The following PCDH9 variants were observed in gnomAD, a reference collection of about 807,000 sequenced individuals.
The protein encoded by PCDH9 is protocadherin 9, also known as protocadherin-9.
In PCDH9, 24 loss-of-function variants were observed where a neutral mutation model predicts 70.6. The ratio of observed to expected loss-of-function variants is 0.34; its 90% CI spans 0.25 to 0.48. PCDH9 has a LOEUF of 0.48. Ranked by LOEUF, PCDH9 falls within the 20% of genes least tolerant of loss-of-function variation. The pLI is 0.99. For synonymous variants in PCDH9, 562 were observed against 558.5 expected (o/e 1.01, Z -0.09); for missense variants, 1,281 against 1,503.6 (o/e 0.85, Z 2.45).
At chr13:66,701,267 GTA>G (rs111432563) in intron 3 of PCDH9, among the ~76,000 whole-genome samples, 2 of 150,018 alleles carry the variant, frequency 1.3e-5, no homozygotes, top group African/African-American at 2.4e-5. Context: ...CCGTTTTTGT[GTA>G]TATATATATA....
chr13:66,562,001 G>A (rs2138710490), intron 4 of PCDH9, among the ~76,000 whole-genome samples: 1 of 152,104 alleles, frequency 6.6e-6, no homozygotes, highest in African/African-American at 2.4e-5. Flanking sequence ...CCACTCCTGA[G>A]CCAGCGAGAC....
chr13:66,442,908 T>C (rs1186218991), intron 4 of PCDH9, among the ~76,000 whole-genome samples: 2 of 152,212 alleles, frequency 1.3e-5, no homozygotes, highest in African/African-American at 4.8e-5. Flanking sequence ...AAGTTAGCAA[T>C]ATGTGTAAAT....
intron 4 of PCDH9, among the ~76,000 whole-genome samples, chr13:66,589,524 G>A (rs547057319): frequency 6.1e-4 from 93 of 152,056 alleles, no homozygotes; most frequent in African/African-American, 2.1e-3. Flanking sequence ...AGTATAGAGC[G>A]GAATCTCATG....
At chr13:66,801,162 C>T (rs555679352) in intron 3 of PCDH9, among the ~76,000 whole-genome samples, 17 of 151,826 alleles carry the variant, frequency 1.1e-4, no homozygotes, top group Non-Finnish European at 1.5e-4. Context: ...AAATGCTAGT[C>T]AACTAAATTA....
At chr13:67,091,926 T>A (rs982639911) in intron 2 of PCDH9, among the ~76,000 whole-genome samples, 1 of 152,150 alleles carries the variant, frequency 6.6e-6, no homozygotes, top group African/African-American at 2.4e-5. Flanking sequence ...TTTACTAAGG[T>A]TCATGCTTTT....
intron 3 of PCDH9, among the ~76,000 whole-genome samples, chr13:66,895,951 T>A (rs1017148491): frequency 6.6e-6 from 1 of 152,210 alleles, no homozygotes; most frequent in Non-Finnish European, 1.5e-5. Flanking sequence ...CTTTGGCCGA[T>A]AAGCCTATGC....
chr13:66,782,419 G>A (rs915115417), intron 3 of PCDH9, among the ~76,000 whole-genome samples: 3 of 151,992 alleles, frequency 2.0e-5, no homozygotes, highest in Non-Finnish European at 2.9e-5. Context: ...GTAATCTCTA[G>A]AACTAGGCGG....
intron 3 of PCDH9, among the ~76,000 whole-genome samples, chr13:66,813,865 G>A (rs1031442715): frequency 6.6e-6 from 1 of 151,694 alleles, no homozygotes; most frequent in Admixed American, 6.6e-5. Flanking sequence ...TTAGATAATT[G>A]GTCTAAATAA....
At chr13:66,874,573 C>T (rs1465626565) in intron 3 of PCDH9, among the ~76,000 whole-genome samples, 1 of 152,076 alleles carries the variant, frequency 6.6e-6, no homozygotes, top group Non-Finnish European at 1.5e-5. Context: ...ATTTAGAACT[C>T]CTTTCTCTTG....
At chr13:66,677,869 C>T (rs953534788) in intron 3 of PCDH9, among the ~76,000 whole-genome samples, 2 of 152,114 alleles carry the variant, frequency 1.3e-5, no homozygotes, top group South Asian at 2.1e-4. Context: ...TACAGAAGCA[C>T]ATATAATATT....
chr13:66,326,802 C>T (rs994672473), intron 4 of PCDH9, among the ~76,000 whole-genome samples: 1 of 152,084 alleles, frequency 6.6e-6, no homozygotes, highest in African/African-American at 2.4e-5. Flanking sequence ...AATTTTTAAG[C>T]TTTTTACATA....
intron 2 of PCDH9, among the ~76,000 whole-genome samples, chr13:67,190,766 A>T (rs1244327714): frequency 2.0e-5 from 3 of 152,070 alleles, no homozygotes; most frequent in African/African-American, 7.2e-5. Flanking sequence ...ATATATTTTT[A>T]AAACATAGCA....
intron 2 of PCDH9, among the ~76,000 whole-genome samples, chr13:66,942,548 C>A (rs1360086166): frequency 6.6e-6 from 1 of 151,904 alleles, no homozygotes; most frequent in Non-Finnish European, 1.5e-5. Flanking sequence ...AATTAAGGCT[C>A]AAAAATTCAA....
chr13:66,726,683 C>T (rs1227251992), intron 3 of PCDH9, among the ~76,000 whole-genome samples: 3 of 152,134 alleles, frequency 2.0e-5, no homozygotes, highest in African/African-American at 4.8e-5. Flanking sequence ...GTTTTTTCCT[C>T]CCTGCGTACC....
chr13:66,818,793 G>T lies in PCDH9; in HGVS notation c.3138+84711C>A, dbSNP rs564400036. Among the ~76,000 whole-genome samples, 107 of 152,146 alleles carry T rather than the reference G, an allele frequency of 7.0e-4. 1 individual carries two copies. Among genetic ancestry groups the T allele is most frequent in the Non-Finnish European group, 1.1e-3 (77 of 67,980 alleles). On this transcript the variant is annotated intron_variant, in intron 3 of 4. Coordinates refer to ENST00000377865, the MANE Select transcript of PCDH9 (RefSeq NM_203487.3). ...TAAAAAAATACAAAAAATTAGCCGG[G>T]CGAGGTGGCGGGCGCCTATAGTCCC... is the stretch of plus-strand genomic sequence containing the variant.
intron 4 of PCDH9, among the ~76,000 whole-genome samples, chr13:66,431,994 A>T (rs1044846425): frequency 1.3e-5 from 2 of 152,106 alleles, no homozygotes; most frequent in African/African-American, 4.8e-5. Flanking sequence ...ATAGTTTCTC[A>T]AATGTGCTTA....
chr13:66,572,521 T>C (rs1370308576), intron 4 of PCDH9, among the ~76,000 whole-genome samples: 4 of 152,140 alleles, frequency 2.6e-5, no homozygotes, highest in African/African-American at 9.7e-5. Flanking sequence ...GGCTCAGCCA[T>C]ATTGCTACAA....
At chr13:66,958,530 A>G (rs568189126) in intron 2 of PCDH9, among the ~76,000 whole-genome samples, 2 of 152,322 alleles carry the variant, frequency 1.3e-5, no homozygotes, top group Admixed American at 1.3e-4. Context: ...ATAAACACAT[A>G]CTGTATAGCA....
At position 66,431,060 on chromosome 13, in the gene PCDH9, C is replaced by T. The variant is rs145298842; in HGVS notation, c.3341-126032G>A. Among the ~76,000 whole-genome samples, 726 of 152,066 alleles carry T rather than the reference C, an allele frequency of 4.8e-3. 4 individuals are homozygous for T. The highest frequency in any genetic ancestry group is 0.014 in the Middle Eastern group (4 of 294). On this transcript the variant is annotated intron_variant, in intron 4 of 4. Transcript: ENST00000377865. ...GATATCTATACATCTTTCCAATGTC[C>T]CTTTTTCATGAAATTTGACTATAGC...
Sources: allele counts gnomAD v4.1 joint callset (sites outside exome capture counted in the v4.1 genomes callset), GRCh38; gene constraint gnomAD v4.1.1; transcripts MANE v1.5; gene names NCBI Gene and HGNC (gene_info 2026-07-23, HGNC 2026-07-21).